RCBTB1: variants seen among roughly 807,000 people sequenced by gnomAD.
RCBTB1 encodes RCC1 and BTB domain containing protein 1, also known as RCC1 and BTB domain-containing protein 1.
RCBTB1 carries 46 observed loss-of-function variants against 62.4 expected under a neutral mutation model. The observed-to-expected ratio is 0.74, with a 90% CI of 0.58 to 0.94. RCBTB1 has a LOEUF of 0.94. Among genes scored for constraint, RCBTB1 ranks in the 40% least tolerant of loss-of-function variants. The pLI, the probability that RCBTB1 is intolerant of heterozygous loss-of-function variation, is 0.00. For missense variants in RCBTB1, 565 were observed against 654.9 expected (o/e 0.86, Z 1.50); for synonymous variants, 222 against 245.8 (o/e 0.90, Z 0.91).
intron 10 of RCBTB1, among the ~76,000 whole-genome samples, chr13:49,544,410 G>A (rs1594260852): frequency 1.3e-5 from 2 of 152,076 alleles, no homozygotes; most frequent in African/African-American, 4.8e-5. Flanking sequence ...CAGAGGTTGC[G>A]GTGAGCTGAG....
chr13:49,566,291 TAAA>T (rs1963007411), intron 4 of RCBTB1, among the ~76,000 whole-genome samples: 6 of 151,244 alleles, frequency 4.0e-5, no homozygotes, highest in Admixed American at 1.3e-4. Context: ...AATAAATAAA[TAAA>T]TAAATAAATA....
At chr13:49,547,004 TTAAGATA>T in intron 9 of RCBTB1, 2 of 1,191,506 alleles carry the variant, frequency 1.7e-6, no homozygotes, top group East Asian at 1.2e-4. Flanking sequence ...CTGTGCCATT[TTAAGATA>T]TAAGAACTGG....
chr13:49,579,941 A>T (rs955499397), intron 2 of RCBTB1, among the ~76,000 whole-genome samples: 7 of 152,188 alleles, frequency 4.6e-5, no homozygotes, highest in Admixed American at 6.5e-5. Flanking sequence ...ACAATTTGCA[A>T]TAATGGCCTC....
chr13:49,559,784 T>G, intron 5 of RCBTB1, 134 bp downstream of exon 5: 1 of 732,356 alleles, frequency 1.4e-6, no homozygotes, highest in Non-Finnish European at 2.1e-6. Flanking sequence ...CTGGTGACAG[T>G]TGTATGACAA....
intron 2 of RCBTB1, among the ~76,000 whole-genome samples, chr13:49,574,576 A>G (rs1375568091): frequency 6.6e-6 from 1 of 152,232 alleles, no homozygotes; most frequent in Non-Finnish European, 1.5e-5. Flanking sequence ...AGAGTGGCAG[A>G]ATGTTTCAGG....
intron 2 of RCBTB1, among the ~76,000 whole-genome samples, chr13:49,577,957 AT>A (rs1448227762): frequency 6.6e-6 from 1 of 152,308 alleles, no homozygotes; most frequent in East Asian, 1.9e-4. Flanking sequence ...ATGGGTGATG[AT>A]TTTATTTATC....
intron 8 of RCBTB1, among the ~76,000 whole-genome samples, chr13:49,550,858 T>C (rs1257359431): frequency 6.6e-6 from 1 of 152,116 alleles, no homozygotes; most frequent in Non-Finnish European, 1.5e-5. Flanking sequence ...TCCCAGCACT[T>C]TGGGAGGCCG....
chr13:49,550,656 A>G (rs1961251155), intron 8 of RCBTB1, among the ~76,000 whole-genome samples: 1 of 152,188 alleles, frequency 6.6e-6, no homozygotes, highest in African/African-American at 2.4e-5. Flanking sequence ...ATGGCCATAG[A>G]CCTTACTTGT....
chr13:49,555,545 A>T lies in RCBTB1; in HGVS notation c.573T>A (p.Thr191=), dbSNP rs773612598. The T allele has an allele frequency of 1.9e-6, 3 of 1,613,916 alleles. No individual in the cohort carries two copies. Among genetic ancestry groups the T allele is most frequent in the Non-Finnish European group, 2.5e-6 (3 of 1,179,894 alleles). The change falls in exon 6 of 13, where the codon ACT becomes ACA. Residue 191 remains threonine (T), a synonymous_variant. Coordinates refer to ENST00000378302, the MANE Select transcript of RCBTB1 (RefSeq NM_018191.4). ...KRVVGIACGQ[T]SSMAVLDNGE... ...CATTGTCCAGAACAGCCATGGATGA[A>T]GTCTGACCACAGGCAATGCCAACTA...
chr13:49,581,350 A>C (rs536517049), intron 1 of RCBTB1, among the ~76,000 whole-genome samples: 1 of 152,262 alleles, frequency 6.6e-6, no homozygotes, highest in Non-Finnish European at 1.5e-5. Flanking sequence ...GCACTGGATA[A>C]GCAGAAAGGC....
intron 12 of RCBTB1, among the ~76,000 whole-genome samples, chr13:49,536,432 G>A (rs541629470): frequency 2.7e-4 from 41 of 152,282 alleles, no homozygotes; most frequent in Middle Eastern, 3.4e-3. Context: ...ACGCCCTTCC[G>A]ACTTGACCTC....
chr13:49,556,290 G>A (rs763800812), intron 5 of RCBTB1, among the ~76,000 whole-genome samples: 62 of 148,768 alleles, frequency 4.2e-4, no homozygotes, highest in Non-Finnish European at 7.7e-4. Context: ...CCCGCCTCCC[G>A]GGTTCATGTC....
At chr13:49,573,935 C>T (rs1408154139) in intron 2 of RCBTB1, among the ~76,000 whole-genome samples, 1 of 148,556 alleles carries the variant, frequency 6.7e-6, no homozygotes, top group African/African-American at 2.5e-5. Flanking sequence ...AGGTGTACAC[C>T]ACCATGCCTA....
At chr13:49,540,356 C>T (rs1056571714) in intron 12 of RCBTB1, among the ~76,000 whole-genome samples, 2 of 152,178 alleles carry the variant, frequency 1.3e-5, no homozygotes, top group African/African-American at 4.8e-5. Context: ...CTGTGAATCT[C>T]AGATTAAGAA....
At chr13:49,575,844 G>A (rs1023978949) in intron 2 of RCBTB1, among the ~76,000 whole-genome samples, 2 of 152,008 alleles carry the variant, frequency 1.3e-5, no homozygotes, top group Non-Finnish European at 2.9e-5. Context: ...AGCATCACAC[G>A]CTATACCCAT....
chr13:49,576,177 CAAAAAAAA>C (rs71078868), intron 2 of RCBTB1, among the ~76,000 whole-genome samples: 26 of 39,974 alleles, frequency 6.5e-4, no homozygotes, highest in Non-Finnish European at 8.5e-4. Flanking sequence ...ACAGGCGTCG[CAAAAAAAA>C]AAAAAAAAAA....
At chr13:49,540,835 G>A in intron 12 of RCBTB1, 41 bp downstream of exon 12, 1 of 1,603,158 alleles carries the variant, frequency 6.2e-7, no homozygotes. Context: ...AGCACAAAGG[G>A]AGTTAAAGGT....
chr13:49,546,533 T>C (rs1171729588), intron 9 of RCBTB1: 1 of 159,006 alleles, frequency 6.3e-6, no homozygotes, highest in African/African-American at 2.4e-5. Context: ...TACACTGTAA[T>C]ATGTAATGAA....
intron 12 of RCBTB1, among the ~76,000 whole-genome samples, chr13:49,536,397 T>C (rs1959947696): frequency 6.6e-6 from 1 of 152,230 alleles, no homozygotes; most frequent in Non-Finnish European, 1.5e-5. Flanking sequence ...AGGGTTGGTT[T>C]GCCTTTGATG....
Sources: gnomAD v4.1 joint callset for allele counts (sites outside exome capture counted in the v4.1 genomes callset) on GRCh38, gnomAD v4.1.1 for gene constraint, MANE v1.5 for transcripts, NCBI Gene and HGNC (gene_info 2026-07-23, HGNC 2026-07-21) for gene names.